OLFM3: variants seen among roughly 807,000 people sequenced by gnomAD.
OLFM3 encodes the protein olfactomedin 3.
Under a neutral mutation model 48.6 loss-of-function variants are expected in OLFM3, and 20 were observed. The ratio of observed to expected loss-of-function variants is 0.41; its 90% CI spans 0.29 to 0.60. OLFM3 has a LOEUF of 0.60. OLFM3 is among the 20% of genes least tolerant of loss of function. The probability of loss-of-function intolerance (pLI) is 0.28; values close to 1 mark genes in which losing one functional copy is unlikely to be tolerated. For missense variants in OLFM3, 437 were observed against 544.3 expected, an observed-to-expected ratio of 0.80 and a Z score of 1.96; for synonymous variants, 222 against 198.1, an observed-to-expected ratio of 1.12 and a Z score of -1.01.
chr1:101,922,624 T>G (rs952371121), intron 1 of OLFM3, among the ~76,000 whole-genome samples: 3 of 152,178 alleles, frequency 2.0e-5, no homozygotes, highest in African/African-American at 7.2e-5. Flanking sequence ...ATTATTCCTA[T>G]GAATACCCGT....
At chr1:101,951,961 C>A (rs12095470) in intron 1 of OLFM3, among the ~76,000 whole-genome samples, 8,586 of 152,014 alleles carry the variant, frequency 0.056, 569 homozygotes, top group African/African-American at 0.16. Context: ...TTAAATAAAA[C>A]TAAAATATGT....
chr1:101,812,610 C>T (rs1257439168), intron 4 of OLFM3: 1 of 985,532 alleles, frequency 1.0e-6, no homozygotes, highest in Non-Finnish European at 1.2e-6. Flanking sequence ...ACCCACAGCA[C>T]ATCACTGGCT....
At chr1:101,823,594 C>T (rs897192553) in intron 4 of OLFM3, among the ~76,000 whole-genome samples, 17 of 151,984 alleles carry the variant, frequency 1.1e-4, no homozygotes, top group African/African-American at 3.4e-4. Flanking sequence ...AAGCCATGGA[C>T]TGTATCCTAC....
At chr1:101,911,833 A>T (rs957074804) in intron 1 of OLFM3, among the ~76,000 whole-genome samples, 2 of 152,216 alleles carry the variant, frequency 1.3e-5, no homozygotes, top group Non-Finnish European at 2.9e-5. Context: ...TCTTCACACT[A>T]CCTTAAACTT....
chr1:101,955,076 G>T (rs1557744896), intron 1 of OLFM3, among the ~76,000 whole-genome samples: 1 of 151,982 alleles, frequency 6.6e-6, no homozygotes, highest in Non-Finnish European at 1.5e-5. Flanking sequence ...TCTCCATATG[G>T]TTCATTTTGG....
chr1:101,818,003 T>C (rs1396131357), intron 4 of OLFM3, among the ~76,000 whole-genome samples: 1 of 152,118 alleles, frequency 6.6e-6, no homozygotes, highest in African/African-American at 2.4e-5. Context: ...TTCTAATGGT[T>C]ATCTGGCTAA....
chr1:101,874,853 T>C lies in OLFM3; in HGVS notation c.70-37828A>G, dbSNP rs972250343. Among the ~76,000 whole-genome samples, 9 of 152,102 alleles carry C rather than the reference T, an allele frequency of 5.9e-5. No homozygotes were observed. In the South Asian group the frequency reaches 1.7e-3, roughly 28 times the overall value. Reference sequence around the variant, plus strand: ...TCTAGTCTCATCTTCCCCAACTGGCTAGGTAGTTTCCAACTGGCCAGCTGG... The same window carrying C: ...TCTAGTCTCATCTTCCCCAACTGGCCAGGTAGTTTCCAACTGGCCAGCTGG... On this transcript the variant is annotated intron_variant, in intron 1 of 5. Coordinates refer to ENST00000370103, the MANE Select transcript of OLFM3 (RefSeq NM_058170.4).
intron 1 of OLFM3, chr1:101,882,890 G>C (rs1657593192): frequency 6.6e-6 from 1 of 151,866 alleles, no homozygotes; most frequent in Admixed American, 6.6e-5. Flanking sequence ...AGTAACAACA[G>C]TAAGGTTAAA....
chr1:101,895,898 A>G (rs1557721146), intron 1 of OLFM3, among the ~76,000 whole-genome samples: 1 of 151,732 alleles, frequency 6.6e-6, no homozygotes, highest in Non-Finnish European at 1.5e-5. Context: ...TCTGGTTTTT[A>G]TTTGAAAAGT....
At chr1:101,927,380 A>G (rs1164095044) in intron 1 of OLFM3, among the ~76,000 whole-genome samples, 1 of 152,076 alleles carries the variant, frequency 6.6e-6, no homozygotes, top group African/African-American at 2.4e-5. Context: ...TTTCTTGGCA[A>G]TATGGAGGAA....
intron 1 of OLFM3, among the ~76,000 whole-genome samples, chr1:101,972,379 T>C (rs1346530383): frequency 6.6e-6 from 1 of 152,222 alleles, no homozygotes; most frequent in African/African-American, 2.4e-5. Context: ...AATTAGTGCA[T>C]TGATCATAAT....
chr1:101,834,053 A>G (rs1655288382), intron 2 of OLFM3, among the ~76,000 whole-genome samples: 1 of 152,232 alleles, frequency 6.6e-6, no homozygotes, highest in African/African-American at 2.4e-5. Context: ...GTTTTGGCAT[A>G]CTAAGACCTG....
At chr1:101,825,623 A>G (rs998813952) in intron 3 of OLFM3, among the ~76,000 whole-genome samples, 1 of 152,212 alleles carries the variant, frequency 6.6e-6, no homozygotes, top group Non-Finnish European at 1.5e-5. Context: ...TCTTCTAATT[A>G]TGAATTAAGT....
chr1:101,923,289 A>G (rs1448333254), intron 1 of OLFM3, among the ~76,000 whole-genome samples: 1 of 152,246 alleles, frequency 6.6e-6, no homozygotes, highest in East Asian at 1.9e-4. Flanking sequence ...GCTCCCGAAT[A>G]TAATATAAGA....
chr1:101,841,621 C>T (rs114485056), intron 1 of OLFM3, among the ~76,000 whole-genome samples: 3,134 of 152,282 alleles, frequency 0.021, 49 homozygotes, highest in Middle Eastern at 0.041. Context: ...GCAGTACAGG[C>T]TCTGCAATAT....
intron 1 of OLFM3, among the ~76,000 whole-genome samples, chr1:101,937,267 T>TA (rs764330641): frequency 8.5e-5 from 13 of 152,186 alleles, no homozygotes; most frequent in Non-Finnish European, 1.6e-4. Flanking sequence ...ACCGGTCTGC[T>TA]CCTGTATCCG....
chr1:101,859,271 G>A (rs1324219771), intron 1 of OLFM3, among the ~76,000 whole-genome samples: 1 of 152,092 alleles, frequency 6.6e-6, no homozygotes, highest in East Asian at 1.9e-4. Context: ...AAACCAGTTT[G>A]TTATTTAGAG....
At chr1:101,829,213 C>T (rs915501965) in intron 3 of OLFM3, among the ~76,000 whole-genome samples, 37 of 152,174 alleles carry the variant, frequency 2.4e-4, no homozygotes, top group African/African-American at 8.4e-4. Context: ...ATATTCTTCT[C>T]TGTTTACCAT....
At chr1:101,987,377 G>C (rs575910101) in intron 1 of OLFM3, among the ~76,000 whole-genome samples, 1 of 152,128 alleles carries the variant, frequency 6.6e-6, no homozygotes, top group Non-Finnish European at 1.5e-5. Context: ...AACTTATAAA[G>C]AGTAGAATAT....
Sources: gnomAD v4.1 joint callset for allele counts (sites outside exome capture counted in the v4.1 genomes callset) on GRCh38, gnomAD v4.1.1 for gene constraint, MANE v1.5 for transcripts, NCBI Gene and HGNC (gene_info 2026-07-23, HGNC 2026-07-21) for gene names.